The following SEC23IP variants were observed in gnomAD, a reference collection of about 807,000 sequenced individuals.
The protein encoded by SEC23IP is SEC23 interacting protein.
A neutral mutation model predicts 113.4 loss-of-function variants in SEC23IP; 70 were observed. The observed-to-expected ratio is 0.62, with a 90% CI of 0.51 to 0.75. The LOEUF (loss-of-function observed/expected upper bound fraction) is 0.75, where lower values mean the gene tolerates loss of function less well. Among genes scored for constraint, SEC23IP ranks in the 30% least tolerant of loss-of-function variants. The probability of loss-of-function intolerance (pLI) is 0.00; values close to 1 mark genes in which losing one functional copy is unlikely to be tolerated. For synonymous variants in SEC23IP, 398 were observed against 421.0 expected (o/e 0.95, Z 0.67); for missense variants, 1,160 against 1,204.9 (o/e 0.96, Z 0.55).
chr10:119,920,840 T>A (rs762982710), intron 11 of SEC23IP, 49 bp from the exon 12 acceptor site: 50 of 1,240,280 alleles, frequency 4.0e-5, no homozygotes, highest in South Asian at 9.3e-5. Flanking sequence ...CTCATTTCAG[T>A]TCTTCTATCA....
intron 18 of SEC23IP, among the ~76,000 whole-genome samples, chr10:119,937,294 T>A (rs1255359664): frequency 6.6e-6 from 1 of 152,196 alleles, no homozygotes; most frequent in Non-Finnish European, 1.5e-5. Context: ...TACTTTGGAT[T>A]TTTTTGGCGG....
rs776604551 is a variant in SEC23IP at position 119,914,772 on chromosome 10, G to A, written c.1355G>A (p.Gly452Asp). ...GACCATTTGGTGTTTGTGGTGCATG[G>A]CATTGGACCTGTGTGTGACTTACGC... is the stretch of plus-strand genomic sequence containing the variant. ...QVDHLVFVVH[G>D]IGPVCDLRFR... Residue 452 changes from glycine (G) to aspartate (D), a missense_variant, in exon 7 of 19, where the codon GGC becomes GAC. Physicochemically the swap from Gly to Asp is moderately conservative, Grantham distance 94. Transcript: ENST00000369075. The A allele has an allele frequency of 5.6e-6, 9 of 1,614,070 alleles. No individual in the cohort carries two copies. Among genetic ancestry groups the A allele is most frequent in the Middle Eastern group, 1.6e-4 (1 of 6,084 alleles).
rs1334591404 is a variant in SEC23IP, at chr10:119,932,243, T to A, written c.2683T>A (p.Ser895Thr). 2 of 1,613,964 alleles carry A rather than the reference T, an allele frequency of 1.2e-6. No individual in the cohort carries two copies. Among genetic ancestry groups the A allele is most frequent in the Non-Finnish European group, 1.7e-6 (2 of 1,179,960 alleles). ...TGAGTTTGCCCGTGCTCATACGTCT[T>A]CAACCCAGTTGCAAGAAGAATTGGA... ...LNEFARAHTSSTQLQEELEKV... is the reference protein window; with the variant it reads ...LNEFARAHTSTTQLQEELEKV... Residue 895 changes from serine to threonine, a missense_variant, in exon 16 of 19, where the codon TCA (serine) becomes ACA (threonine). Transcript: ENST00000369075.
intron 6 of SEC23IP, among the ~76,000 whole-genome samples, chr10:119,914,133 C>T (rs1201117540): frequency 6.6e-6 from 1 of 152,148 alleles, no homozygotes; most frequent in Non-Finnish European, 1.5e-5. Flanking sequence ...GCACTCTATC[C>T]CGGGCGACAA....
In SEC23IP at chr10:119,915,003, G is replaced by T. The variant is rs61867981; in HGVS notation, c.1402+184G>T. On this transcript the variant is annotated intron_variant, in intron 7 of 18. Coordinates refer to ENST00000369075, the MANE Select transcript of SEC23IP (RefSeq NM_007190.4). ...GATTTGCTCTTGTGACATATGTGAC[G>T]CATACAATCCCAGACTGTGAGGAAT... is the stretch of plus-strand genomic sequence containing the variant. Among the ~76,000 whole-genome samples the T allele has an allele frequency of 2.6e-5, 4 of 152,110 alleles. No individual in the cohort carries two copies. In the South Asian group the frequency reaches 6.2e-4, roughly 24 times the overall value.
rs1258679688 is a variant in SEC23IP, at chr10:119,914,765, G to A, written c.1348G>A (p.Val450Met). The change falls in exon 7 of 19, where the codon GTG (valine) becomes ATG (methionine). Residue 450 changes from valine to methionine, a missense_variant. Coordinates refer to ENST00000369075, the MANE Select transcript of SEC23IP (RefSeq NM_007190.4). ...MPQVDHLVFVVHGIGPVCDLR... is the reference protein window; with the variant it reads ...MPQVDHLVFVMHGIGPVCDLR... ...TCAAGTTGACCATTTGGTGTTTGTGGTGCATGGCATTGGACCTGTGTGTGA... is the reference window on the plus strand; with the variant it reads ...TCAAGTTGACCATTTGGTGTTTGTGATGCATGGCATTGGACCTGTGTGTGA... 1.2e-6 allele frequency: 2 copies of A among 1,614,010 alleles called. No homozygotes were observed. The highest frequency in any genetic ancestry group is 1.7e-6 in the Non-Finnish European group (2 of 1,180,016).
intron 13 of SEC23IP, among the ~76,000 whole-genome samples, chr10:119,928,185 T>C (rs1412851168): frequency 6.6e-6 from 1 of 152,224 alleles, no homozygotes; most frequent in Non-Finnish European, 1.5e-5. Context: ...CTAGTGAGGT[T>C]ATTTTCTCAT....
intron 5 of SEC23IP, 82 bp from the exon 6 acceptor site, chr10:119,911,962 C>G (rs971502381): frequency 6.6e-7 from 1 of 1,511,062 alleles, no homozygotes; most frequent in African/African-American, 1.4e-5. Flanking sequence ...TGAGGTATAG[C>G]TTATTATGTG....
intron 17 of SEC23IP, 91 bp downstream of exon 17, chr10:119,933,258 A>G (rs769069725): frequency 1.5e-5 from 15 of 994,534 alleles, no homozygotes; most frequent in Non-Finnish European, 2.0e-5. Context: ...TTTTACTGAT[A>G]CAATGTACTA....
At chr10:119,939,047 C>T (rs1329469667) in intron 18 of SEC23IP, among the ~76,000 whole-genome samples, 3 of 152,022 alleles carry the variant, frequency 2.0e-5, no homozygotes, top group Non-Finnish European at 4.4e-5. Context: ...TGGTGGCTTA[C>T]ACCTGTAATC....
At chr10:119,908,508 C>A (rs1457567168) in intron 4 of SEC23IP, among the ~76,000 whole-genome samples, 1 of 152,146 alleles carries the variant, frequency 6.6e-6, no homozygotes, top group Non-Finnish European at 1.5e-5. Flanking sequence ...GGATGGGCCC[C>A]AAAGCCAATA....
chr10:119,898,739 AG>A lies in SEC23IP; in HGVS notation c.477del (p.Gln159HisfsTer121). On this transcript the variant is annotated frameshift_variant, in exon 2 of 19. Coordinates refer to ENST00000369075, the MANE Select transcript of SEC23IP (RefSeq NM_007190.4). LOFTEE classifies it high-confidence loss of function. ...GGAATAAATTCTTATCTGCCTTCTC[AG>A]CCAAGTAGTCTCCCTCCTTCATATT... ...LMGINSYLPS[Q>X]PSSLPPSYFG... 6.2e-7 allele frequency: 1 copy of A among 1,614,202 alleles called. No homozygotes were observed. The highest frequency in any genetic ancestry group is 8.5e-7 in the Non-Finnish European group (1 of 1,180,050).
At chr10:119,925,941 A>G in intron 12 of SEC23IP, 95 bp from the exon 13 acceptor site, 16 of 1,019,610 alleles carry the variant, frequency 1.6e-5, no homozygotes, top group Non-Finnish European at 2.3e-5. Context: ...GAAGTAGCTA[A>G]TCATTCCTTA....
Position 119,919,098 on chromosome 10 carries a change from A to G in SEC23IP, c.1873-346A>G, listed in dbSNP as rs2254932. ...AACCTCCGCCTTTCGGTTTCAAGCG[A>G]TTCTCCTGCCTCAGCCTCCCGAGTA... On this transcript the variant is annotated intron_variant, in intron 10 of 18. Transcript: ENST00000369075. 6.7e-3 allele frequency among the ~76,000 whole-genome samples: 1,009 copies of G among 150,710 alleles called. 11 individuals carry two copies. Among genetic ancestry groups the G allele is most frequent in the African/African-American group, 0.024 (987 of 40,914 alleles).
At chr10:119,904,419 T>C in intron 4 of SEC23IP, 142 bp downstream of exon 4, 1 of 697,218 alleles carries the variant, frequency 1.4e-6, no homozygotes, top group South Asian at 1.9e-5. Flanking sequence ...GATTACTTTT[T>C]AAGTGGTGTC....
In SEC23IP at chr10:119,932,308, A is replaced by G; in HGVS notation, c.2748A>G (p.Gln916=). 6.2e-7 allele frequency: 1 copy of G among 1,610,762 alleles called. No individual in the cohort carries two copies. Among genetic ancestry groups the G allele is most frequent in the Non-Finnish European group, 8.5e-7 (1 of 1,178,094 alleles). ...ANQIKEEEEK[Q]VVEAEKVVES... ...AGATCAAAGAAGAAGAAGAAAAGCA[A>G]GTAGTTGAAGGTAAATTTGACATTT... Residue 916 remains glutamine (Q), a synonymous_variant, in exon 16 of 19, where the codon CAA becomes CAG. Coordinates refer to ENST00000369075, the MANE Select transcript of SEC23IP (RefSeq NM_007190.4).
chr10:119,932,115 T>C lies in SEC23IP; in HGVS notation c.2573-18T>C, dbSNP rs1261500393. The C allele has an allele frequency of 1.9e-6, 3 of 1,556,010 alleles. No homozygotes were observed. The highest frequency in any genetic ancestry group is 2.7e-5 in the African/African-American group (2 of 73,660). On this transcript the variant is annotated intron_variant, in intron 15 of 18. Transcript: ENST00000369075. ...CCCAGTGACTAATTAACTTGTTGTG[T>C]CATCTTAATCTCTTTAGAATTGAAA...
intron 15 of SEC23IP, among the ~76,000 whole-genome samples, chr10:119,931,309 C>T: frequency 6.7e-6 from 1 of 148,692 alleles, no homozygotes. Context: ...AAACCACTTC[C>T]TGTTTACAGA....
intron 13 of SEC23IP, among the ~76,000 whole-genome samples, chr10:119,926,596 C>T (rs1230039718): frequency 6.6e-6 from 1 of 152,178 alleles, no homozygotes; most frequent in African/African-American, 2.4e-5. Flanking sequence ...CTTATGTTTC[C>T]TAGTACTCAT....
Sources: allele counts gnomAD v4.1 joint callset (sites outside exome capture counted in the v4.1 genomes callset), GRCh38; gene constraint gnomAD v4.1.1; transcripts MANE v1.5; gene names NCBI Gene and HGNC (gene_info 2026-07-23, HGNC 2026-07-21).